Variants in DNAAF9 observed in about 807,000 individuals in gnomAD.
DNAAF9 encodes the protein dynein axonemal assembly factor 9, also known as shulin.
DNAAF9 carries 90 observed loss-of-function variants against 167.0 expected under a neutral mutation model. That is an observed-to-expected ratio of 0.54 (90% CI 0.45 to 0.64). DNAAF9 has a LOEUF of 0.64. Among genes scored for constraint, DNAAF9 ranks in the 30% least tolerant of loss-of-function variants. The pLI is 0.00. For synonymous variants in DNAAF9, 491 were observed against 508.8 expected (o/e 0.96, Z 0.47); for missense variants, 1,315 against 1,442.2 (o/e 0.91, Z 1.43).
At chr20:3,370,353 A>G (rs1363414146) in intron 6 of DNAAF9, among the ~76,000 whole-genome samples, 1 of 151,734 alleles carries the variant, frequency 6.6e-6, no homozygotes, top group Non-Finnish European at 1.5e-5. Flanking sequence ...GGCTCAAGCT[A>G]TCCTCCGGCC....
Position 3,343,653 on chromosome 20 carries a change from T to C in DNAAF9, c.845+23A>G, listed in dbSNP as rs371384417. 164 of 1,600,338 alleles carry C rather than the reference T, an allele frequency of 1.0e-4. 1 individual carries two copies. In the East Asian group the frequency reaches 1.9e-3, roughly 19 times the overall value. The stretch of plus-strand genomic sequence containing the variant: ...CATTTTCTCTATCACCATTCGCCCT[T>C]CTTCCCCAAGAAAGAAACTTACCTG... On this transcript the variant is annotated intron_variant, in intron 9 of 36. Coordinates refer to ENST00000252032, the MANE Select transcript of DNAAF9 (RefSeq NM_001009984.3).
intron 6 of DNAAF9, among the ~76,000 whole-genome samples, chr20:3,368,346 G>A (rs750073720): frequency 6.6e-6 from 1 of 152,016 alleles, no homozygotes; most frequent in Non-Finnish European, 1.5e-5. Context: ...CGTCTCTCAG[G>A]GAATCAGGAT....
At chr20:3,285,973 C>CT (rs2068846434) in intron 27 of DNAAF9, among the ~76,000 whole-genome samples, 1 of 150,474 alleles carries the variant, frequency 6.6e-6, no homozygotes, top group Non-Finnish European at 1.5e-5. Context: ...GAGCAAGACT[C>CT]CGTTTCAAAA....
intron 20 of DNAAF9, among the ~76,000 whole-genome samples, chr20:3,307,582 G>C (rs73081069): frequency 0.042 from 6,368 of 152,090 alleles, 191 homozygotes; most frequent in Middle Eastern, 0.071. Flanking sequence ...CTGACTCTTT[G>C]TGCCATCCTT....
In DNAAF9 at chr20:3,326,691, T is replaced by C. The variant is rs574291261; in HGVS notation, c.1101-407A>G. Among the ~76,000 whole-genome samples the C allele has an allele frequency of 6.5e-3, 967 of 149,870 alleles. 4 individuals carry two copies. The highest frequency in any genetic ancestry group is 0.011 in the Non-Finnish European group (752 of 67,772). ...GCCTGGGAGGCAGAAGAGGCTGCAGTGAGCCAAGACTGTGTCACTGTACTC... is the reference window on the plus strand; with the variant it reads ...GCCTGGGAGGCAGAAGAGGCTGCAGCGAGCCAAGACTGTGTCACTGTACTC... On this transcript the variant is annotated intron_variant, in intron 12 of 36. Transcript: ENST00000252032.
intron 16 of DNAAF9, 133 bp downstream of exon 16, chr20:3,322,084 T>C (rs904705384): frequency 5.9e-6 from 4 of 675,008 alleles, no homozygotes; most frequent in South Asian, 1.7e-5. Context: ...ATGGCTGGGA[T>C]AGGACTGAGA....
intron 8 of DNAAF9, among the ~76,000 whole-genome samples, chr20:3,344,259 T>C (rs1295891844): frequency 6.6e-6 from 1 of 152,212 alleles, no homozygotes; most frequent in Non-Finnish European, 1.5e-5. Context: ...TCTCAGCTTT[T>C]GGATGCATAG....
intron 1 of DNAAF9, among the ~76,000 whole-genome samples, chr20:3,406,397 G>A (rs1343211166): frequency 6.6e-6 from 1 of 152,132 alleles, no homozygotes; most frequent in Non-Finnish European, 1.5e-5. Flanking sequence ...ATAAGAAAAA[G>A]CAAACAACAA....
intron 21 of DNAAF9, among the ~76,000 whole-genome samples, chr20:3,303,720 T>C (rs1367664202): frequency 6.6e-6 from 1 of 152,242 alleles, no homozygotes; most frequent in African/African-American, 2.4e-5. Context: ...CAGACTGGTT[T>C]TGAGGCTGAG....
At chr20:3,332,530 T>G (rs552838732) in intron 10 of DNAAF9, among the ~76,000 whole-genome samples, 169 bp from the exon 11 acceptor site, 1 of 152,062 alleles carries the variant, frequency 6.6e-6, no homozygotes, top group South Asian at 2.1e-4. Flanking sequence ...CTCAGATCAT[T>G]GCAACCTCCA....
chr20:3,304,303 G>A, intron 21 of DNAAF9, 137 bp downstream of exon 21: 1 of 671,648 alleles, frequency 1.5e-6, no homozygotes, highest in South Asian at 1.7e-5. Context: ...CTCCCTCCCT[G>A]CCTGCCTCAG....
At chr20:3,329,665 G>A (rs1158610568) in intron 12 of DNAAF9, among the ~76,000 whole-genome samples, 2 of 152,156 alleles carry the variant, frequency 1.3e-5, no homozygotes, top group African/African-American at 4.8e-5. Flanking sequence ...ATTTTAAAGA[G>A]ATCTTTAGAT....
chr20:3,281,525 A>G (rs1047235184), intron 28 of DNAAF9, 116 bp downstream of exon 28: 18 of 971,910 alleles, frequency 1.9e-5, no homozygotes, highest in East Asian at 2.8e-5. Flanking sequence ...AGCACTAATA[A>G]AAGAACAGCA....
chr20:3,366,155 A>AT (rs992152229), intron 6 of DNAAF9, among the ~76,000 whole-genome samples: 4 of 151,474 alleles, frequency 2.6e-5, no homozygotes, highest in African/African-American at 7.3e-5. Flanking sequence ...AAGGCTTTCA[A>AT]TTTTTTTTTG....
At chr20:3,347,079 C>T (rs941858497) in intron 8 of DNAAF9, among the ~76,000 whole-genome samples, 19 of 151,808 alleles carry the variant, frequency 1.3e-4, no homozygotes, top group Admixed American at 6.6e-5. Context: ...AATCAAACTA[C>T]TCAAAATCAG....
intron 10 of DNAAF9, among the ~76,000 whole-genome samples, chr20:3,337,854 TAG>T (rs1351663554): frequency 7.9e-5 from 12 of 151,848 alleles, no homozygotes; most frequent in Non-Finnish European, 1.6e-4. Context: ...TTACTATTAT[TAG>T]AGAGTTATCT....
intron 6 of DNAAF9, among the ~76,000 whole-genome samples, chr20:3,370,039 G>C (rs2083487438): frequency 6.6e-6 from 1 of 151,896 alleles, no homozygotes; most frequent in South Asian, 2.1e-4. Flanking sequence ...GTGATCTTTG[G>C]CTTCCTATTC....
At chr20:3,304,667 TTGTATGCTGAGCCC>T in intron 20 of DNAAF9, 124 bp from the exon 21 acceptor site, 2 of 620,030 alleles carry the variant, frequency 3.2e-6, no homozygotes, top group Non-Finnish European at 5.7e-6. Context: ...GTTATGCGAT[TTGTATGCTGAGCCC>T]TGTGCTCTGA....
rs2069628072 is a variant in DNAAF9 at position 3,322,215 on chromosome 20, A to G, written c.1356+2T>C. On this transcript the variant is annotated splice_donor_variant, in intron 16 of 36. Coordinates refer to ENST00000252032, the MANE Select transcript of DNAAF9 (RefSeq NM_001009984.3). LOFTEE classifies it high-confidence loss of function. ...CAGCTGACCCATGATAGCTCTGCTTACCGTCTTCACAAAGGATAAGCTATC... is the reference window on the plus strand; with the variant it reads ...CAGCTGACCCATGATAGCTCTGCTTGCCGTCTTCACAAAGGATAAGCTATC... 1 of 1,607,212 alleles carries G rather than the reference A, an allele frequency of 6.2e-7. No individual in the cohort carries two copies.
Sources: allele counts gnomAD v4.1 joint callset (sites outside exome capture counted in the v4.1 genomes callset), GRCh38; gene constraint gnomAD v4.1.1; transcripts MANE v1.5; gene names NCBI Gene and HGNC (gene_info 2026-07-23, HGNC 2026-07-21).